Variants in EBF1 observed in about 807,000 individuals in gnomAD.
The protein encoded by EBF1 is transcription factor COE1.
In EBF1, 10 loss-of-function variants were observed where a neutral mutation model predicts 68.4. That is an observed-to-expected ratio of 0.15 (90% CI 0.09 to 0.25). The LOEUF (loss-of-function observed/expected upper bound fraction) is 0.25, where lower values mean the gene tolerates loss of function less well. Ranked by LOEUF, EBF1 falls within the 10% of genes least tolerant of loss-of-function variation. The pLI, the probability that EBF1 is intolerant of heterozygous loss-of-function variation, is 1.00. For synonymous variants in EBF1, 298 were observed against 299.8 expected (o/e 0.99, Z 0.06); for missense variants, 509 against 794.4 (o/e 0.64, Z 4.32).
chr5:159,033,880 C>A (rs184891693), intron 6 of EBF1, among the ~76,000 whole-genome samples: 151 of 152,292 alleles, frequency 9.9e-4, no homozygotes, highest in Non-Finnish European at 1.7e-3. Context: ...ACCTCCTACA[C>A]CCCTTTGTCT....
intron 6 of EBF1, among the ~76,000 whole-genome samples, chr5:158,940,393 G>A (rs1812977923): frequency 6.6e-6 from 1 of 152,206 alleles, no homozygotes; most frequent in African/African-American, 2.4e-5. Context: ...GTCCAGAACT[G>A]TGGTATCCTA....
rs144474348 is a variant in EBF1 at position 158,904,793 on chromosome 5, C to T, written c.555-64683G>A. Among the ~76,000 whole-genome samples, 708 of 152,242 alleles carry T rather than the reference C, an allele frequency of 4.7e-3. 4 individuals carry two copies. The highest frequency in any genetic ancestry group is 0.015 in the African/African-American group (641 of 41,540). The stretch of plus-strand genomic sequence containing the variant: ...CCCTTTATACAAGGCACATGCTCGC[C>T]GGTCTGCCCCAGTCCCCACCACTCC... On this transcript the variant is annotated intron_variant, in intron 6 of 15. Coordinates refer to ENST00000313708, the MANE Select transcript of EBF1 (RefSeq NM_024007.5).
intron 6 of EBF1, among the ~76,000 whole-genome samples, chr5:159,004,144 G>A (rs1405129950): frequency 1.3e-5 from 2 of 152,050 alleles, no homozygotes; most frequent in Non-Finnish European, 2.9e-5. Flanking sequence ...AGGCATGGTG[G>A]CAGGTGCCTG....
At chr5:158,727,529 A>G (rs1223829484) in intron 11 of EBF1, among the ~76,000 whole-genome samples, 1 of 152,228 alleles carries the variant, frequency 6.6e-6, no homozygotes, top group African/African-American at 2.4e-5. Context: ...GCCAGGATCC[A>G]GAGAGAAAGG....
chr5:158,793,054 T>A (rs551012989), intron 9 of EBF1, among the ~76,000 whole-genome samples: 1 of 152,306 alleles, frequency 6.6e-6, no homozygotes, highest in African/African-American at 2.4e-5. Context: ...GGGGTTGGAC[T>A]GTTTGGGTTC....
intron 10 of EBF1, among the ~76,000 whole-genome samples, chr5:158,753,118 A>C (rs371342510): frequency 7.8e-4 from 118 of 152,244 alleles, no homozygotes; most frequent in Middle Eastern, 3.4e-3. Flanking sequence ...AGCAGAAAGT[A>C]ATTTTTTTTT....
chr5:159,072,781 T>G (rs1778057102), intron 6 of EBF1, among the ~76,000 whole-genome samples: 1 of 152,224 alleles, frequency 6.6e-6, no homozygotes, highest in Non-Finnish European at 1.5e-5. Context: ...TGTTCTACGG[T>G]GATTTACTTG....
chr5:158,795,719 A>C (rs953875535), intron 9 of EBF1, among the ~76,000 whole-genome samples: 1 of 152,196 alleles, frequency 6.6e-6, no homozygotes, highest in African/African-American at 2.4e-5. Context: ...GTAGGTTAAA[A>C]GAACAATCAC....
chr5:158,823,348 T>G, intron 7 of EBF1, 31 bp from the exon 8 acceptor site: 1 of 1,583,714 alleles, frequency 6.3e-7, no homozygotes, highest in Non-Finnish European at 8.6e-7. Context: ...TGAATGAACA[T>G]TTTAATATAA....
At chr5:158,955,966 A>G (rs1186264005) in intron 6 of EBF1, among the ~76,000 whole-genome samples, 1 of 151,732 alleles carries the variant, frequency 6.6e-6, no homozygotes, top group African/African-American at 2.4e-5. Flanking sequence ...TACAGTTGTT[A>G]CTTATTTGTT....
At chr5:158,883,970 T>C (rs1411044013) in intron 6 of EBF1, among the ~76,000 whole-genome samples, 1 of 152,168 alleles carries the variant, frequency 6.6e-6, no homozygotes, top group Non-Finnish European at 1.5e-5. Flanking sequence ...AGCACTGCCT[T>C]GGGAACCGAG....
intron 6 of EBF1, among the ~76,000 whole-genome samples, chr5:159,023,992 T>C (rs570708005): frequency 1.3e-5 from 2 of 152,266 alleles, no homozygotes; most frequent in East Asian, 3.9e-4. Flanking sequence ...TTCTTTAGAT[T>C]GCTAGTGGGA....
intron 11 of EBF1, among the ~76,000 whole-genome samples, chr5:158,726,888 G>T (rs1306316191): frequency 6.6e-6 from 1 of 152,176 alleles, no homozygotes; most frequent in Non-Finnish European, 1.5e-5. Context: ...CAGATCTCTG[G>T]GGACTCTAAC....
intron 10 of EBF1, among the ~76,000 whole-genome samples, chr5:158,754,990 G>A (rs1769738616): frequency 6.6e-6 from 1 of 152,084 alleles, no homozygotes; most frequent in Admixed American, 6.6e-5. Flanking sequence ...TGAGAGGTCG[G>A]GGAGATAAGG....
intron 6 of EBF1, among the ~76,000 whole-genome samples, chr5:158,881,401 T>A (rs1447574920): frequency 6.6e-6 from 1 of 152,170 alleles, no homozygotes; most frequent in Non-Finnish European, 1.5e-5. Context: ...GTTCTCTTTT[T>A]TAGCAACGCA....
intron 11 of EBF1, 97 bp downstream of exon 11, chr5:158,730,972 G>A: frequency 8.9e-7 from 1 of 1,118,382 alleles, no homozygotes; most frequent in South Asian, 1.5e-5. Flanking sequence ...AAAAATATGA[G>A]TTGTTTACCT....
chr5:158,733,768 T>G (rs1764603691), intron 10 of EBF1, among the ~76,000 whole-genome samples: 1 of 152,158 alleles, frequency 6.6e-6, no homozygotes, highest in South Asian at 2.1e-4. Flanking sequence ...ATACAGGTAT[T>G]GAATATTACA....
chr5:159,075,070 A>T (rs995643070), intron 5 of EBF1, among the ~76,000 whole-genome samples: 1 of 152,196 alleles, frequency 6.6e-6, no homozygotes, highest in Non-Finnish European at 1.5e-5. Flanking sequence ...GGTTAAGAAC[A>T]CTGGTTCTGA....
In EBF1 at chr5:158,698,151, A is replaced by C. The variant is rs1386658547; in HGVS notation, c.*960T>G. 1 of 220,300 alleles carries C rather than the reference A, an allele frequency of 4.5e-6. No homozygotes were observed. The highest frequency in any genetic ancestry group is 2.2e-5 in the African/African-American group (1 of 44,642). The allele number at this position is 220,300 out of a possible 1,614,324, so 13.6% of individuals were successfully genotyped here. ...TCTGCATTTAGGACGAGTAAACTTT[A>C]AACTTGCAAATGGGGGAGCGTACGT... is the stretch of plus-strand genomic sequence containing the variant. On this transcript the variant is annotated 3_prime_UTR_variant, in exon 16 of 16. Transcript: ENST00000313708.
Sources: allele counts gnomAD v4.1 joint callset (sites outside exome capture counted in the v4.1 genomes callset), GRCh38; gene constraint gnomAD v4.1.1; transcripts MANE v1.5; gene names NCBI Gene and HGNC (gene_info 2026-07-23, HGNC 2026-07-21).